The following ANGPTL2 variants were observed in gnomAD, a reference collection of about 807,000 sequenced individuals.
The protein encoded by ANGPTL2 is angiopoietin-related protein 2.
ANGPTL2 carries 25 observed loss-of-function variants against 52.8 expected under a neutral mutation model. The ratio of observed to expected loss-of-function variants is 0.47; its 90% CI spans 0.35 to 0.66. The LOEUF is 0.66. Among genes scored for constraint, ANGPTL2 ranks in the 30% least tolerant of loss-of-function variants. The pLI is 0.01. For missense variants in ANGPTL2, 546 were observed against 656.9 expected (o/e 0.83, Z 1.84); for synonymous variants, 276 against 277.4 (o/e 1.00, Z 0.05).
At chr9:127,109,386 G>A (rs1008001803) in intron 1 of ANGPTL2, among the ~76,000 whole-genome samples, 7 of 152,180 alleles carry the variant, frequency 4.6e-5, no homozygotes, top group East Asian at 1.9e-4. Flanking sequence ...CAAATGAATC[G>A]TTAGACATGT....
In ANGPTL2 at chr9:127,108,631, G is replaced by A. The variant is rs1286781768; in HGVS notation, c.101C>T (p.Ser34Leu). 9.9e-6 allele frequency: 16 copies of A among 1,613,488 alleles called. No homozygotes were observed. Among genetic ancestry groups the A allele is most frequent in the Middle Eastern group, 1.7e-4 (1 of 6,042 alleles). Residue 34 changes from serine (S) to leucine (L), a missense_variant, in exon 2 of 5, where the codon TCG (serine) becomes TTG (leucine). Coordinates refer to ENST00000373425, the MANE Select transcript of ANGPTL2 (RefSeq NM_012098.3). Reference protein sequence around the residue: ...EDGFEGTEEGSPREFIYLNRY... With the variant: ...EDGFEGTEEGLPREFIYLNRY... ...GTTTAGGTAAATGAACTCTCTTGGC[G>A]AGCCCTCCTCAGTGCCCTCAAAACC...
Position 127,110,027 on chromosome 9 carries a change from T to A in ANGPTL2, c.-49-1247A>T, listed in dbSNP as rs562241895. On this transcript the variant is annotated intron_variant, in intron 1 of 4. Transcript: ENST00000373425. ...GGTTTTCCTATAATCATACGGTTTT[T>A]TCTCTCAACTTAAAACCCTCTCTTG... 2.0e-5 allele frequency among the ~76,000 whole-genome samples: 3 copies of A among 152,328 alleles called. No individual in the cohort carries two copies. The South Asian group carries it at 6.2e-4, about 32-fold the overall frequency.
chr9:127,104,318 T>C (rs1785743797), intron 2 of ANGPTL2, among the ~76,000 whole-genome samples: 1 of 152,220 alleles, frequency 6.6e-6, no homozygotes, highest in African/African-American at 2.4e-5. Context: ...GCAGGAGGGC[T>C]GGCAAATGTG....
intron 1 of ANGPTL2, among the ~76,000 whole-genome samples, chr9:127,120,517 G>T (rs192175066): frequency 6.6e-6 from 1 of 152,226 alleles, no homozygotes; most frequent in Admixed American, 6.5e-5. Flanking sequence ...GATATGTCCA[G>T]AACAGGGAAA....
Position 127,091,627 on chromosome 9 carries a change from CTT to C in ANGPTL2, c.1282+41_1282+42del. 6.3e-7 allele frequency: 1 copy of C among 1,592,370 alleles called. No homozygotes were observed. Among genetic ancestry groups the C allele is most frequent in the Non-Finnish European group, 8.6e-7 (1 of 1,167,796 alleles). ...CAGGGGCTCTGGCTCTGGTTGACCT[CTT>C]TTCCCTACCCTGCACCTGGGTTTGA... On this transcript the variant is annotated intron_variant, in intron 4 of 4. Transcript: ENST00000373425. The surrounding 1 kb of genome is among the most constrained non-coding windows in gnomAD (Gnocchi z 4.3).
intron 1 of ANGPTL2, among the ~76,000 whole-genome samples, chr9:127,110,591 T>A (rs2054702706): frequency 6.6e-6 from 1 of 152,204 alleles, no homozygotes; most frequent in Non-Finnish European, 1.5e-5. Flanking sequence ...ACATTTCCAC[T>A]TGACTATCTG....
Position 127,087,861 on chromosome 9 carries a change from A to T in ANGPTL2, c.*1078T>A, listed in dbSNP as rs749130592. The T allele has an allele frequency of 6.6e-6, 1 of 152,510 alleles. No homozygotes were observed. The highest frequency in any genetic ancestry group is 1.5e-5 in the Non-Finnish European group (1 of 68,048). 9.4% of individuals were successfully genotyped at this position (152,510 alleles called of 1,614,324 possible). A position where few individuals can be genotyped will look rare whatever the true frequency, so the allele number is the denominator to read the frequency against. On this transcript the variant is annotated 3_prime_UTR_variant, in exon 5 of 5. Coordinates refer to ENST00000373425, the MANE Select transcript of ANGPTL2 (RefSeq NM_012098.3). ...ATCTGATGACTTCTGTTCTGAGATA[A>T]TTCTCCTGGCCAGATAGGTTATTAT... is the stretch of plus-strand genomic sequence containing the variant.
intron 1 of ANGPTL2, among the ~76,000 whole-genome samples, chr9:127,120,961 T>C (rs745875231): frequency 7.2e-5 from 11 of 152,190 alleles, no homozygotes; most frequent in Non-Finnish European, 1.3e-4. Flanking sequence ...AGCCAAGGCC[T>C]TCCTAGGCAT....
Position 127,107,922 on chromosome 9 carries a change from C to T in ANGPTL2, c.810G>A (p.Lys270=), listed in dbSNP as rs2137078917. 6.5e-7 allele frequency: 1 copy of T among 1,530,620 alleles called. No homozygotes were observed. The allele number at this position is 1,530,620 out of a possible 1,614,324, so 94.8% of individuals were successfully genotyped here. Residue 270 remains lysine, a synonymous_variant, in exon 2 of 5, where the codon AAG becomes AAA. Coordinates refer to ENST00000373425, the MANE Select transcript of ANGPTL2 (RefSeq NM_012098.3). ...GATCCCAGAAGCACTTACCCGACGG[C>T]TTGTCGGTGGAAGATGGGAGGCTGG... ...TLTSLPSSTD[K]PSGPWRDCLQ...
rs1589520807 is a variant in ANGPTL2, at chr9:127,108,321, G to A, written c.411C>T (p.Leu137=). 1 of 1,613,698 alleles carries A rather than the reference G, an allele frequency of 6.2e-7. No homozygotes were observed. The highest frequency in any genetic ancestry group is 2.2e-5 in the East Asian group (1 of 44,824). Residue 137 remains leucine, a synonymous_variant, in exon 2 of 5, where the codon CTC becomes CTT. Coordinates refer to ENST00000373425, the MANE Select transcript of ANGPTL2 (RefSeq NM_012098.3). The part of the protein sequence containing the change: ...SRNMNSRVTQ[L]YMQLLHEIIR... ...TGATCTCGTGCAGGAGCTGCATGTAGAGCTGCGTGACCCGCGAGTTCATGT... is the reference window on the plus strand; with the variant it reads ...TGATCTCGTGCAGGAGCTGCATGTAAAGCTGCGTGACCCGCGAGTTCATGT...
In ANGPTL2 at chr9:127,108,642, A is replaced by G. The variant is rs2054499470; in HGVS notation, c.90T>C (p.Thr30=). ...VAGQEDGFEG[T]EEGSPREFIY... ...TGAACTCTCTTGGCGAGCCCTCCTC[A>G]GTGCCCTCAAAACCGTCCTCCTGGC... Residue 30 remains threonine, a synonymous_variant, in exon 2 of 5, where the codon ACT becomes ACC. Coordinates refer to ENST00000373425, the MANE Select transcript of ANGPTL2 (RefSeq NM_012098.3). 7.4e-6 allele frequency: 12 copies of G among 1,613,386 alleles called. No homozygotes were observed. Among genetic ancestry groups the G allele is most frequent in the African/African-American group, 1.3e-5 (1 of 74,750 alleles).
At chr9:127,119,177 G>C (rs2055780127) in intron 1 of ANGPTL2, among the ~76,000 whole-genome samples, 1 of 152,166 alleles carries the variant, frequency 6.6e-6, no homozygotes, top group South Asian at 2.1e-4. Flanking sequence ...TCTTGTCACT[G>C]ACCATATTAC....
At chr9:127,092,762 G>A (rs2052633567) in intron 3 of ANGPTL2, among the ~76,000 whole-genome samples, 1 of 152,104 alleles carries the variant, frequency 6.6e-6, no homozygotes, top group Admixed American at 6.5e-5. Flanking sequence ...TTGCCTCTAA[G>A]AAAGGAGGAG....
chr9:127,117,044 A>C (rs2055506591), intron 1 of ANGPTL2, among the ~76,000 whole-genome samples: 1 of 152,132 alleles, frequency 6.6e-6, no homozygotes, highest in African/African-American at 2.4e-5. Context: ...ACATCTGATC[A>C]TGTCAGCGTC....
intron 4 of ANGPTL2, among the ~76,000 whole-genome samples, chr9:127,089,944 C>T (rs1280115419): frequency 6.6e-6 from 1 of 152,192 alleles, no homozygotes; most frequent in Non-Finnish European, 1.5e-5. Context: ...AGGGGAGGGG[C>T]TGCTCCAGTC....
chr9:127,117,648 C>T lies in ANGPTL2; in HGVS notation c.-50+4667G>A, dbSNP rs146707372. On this transcript the variant is annotated intron_variant, in intron 1 of 4. Transcript: ENST00000373425. ...GACAACAGAGAGAGGAATGGTGTGGCACCCTGGGGTAGAGAAGCTTGTTTG... is the reference window on the plus strand; with the variant it reads ...GACAACAGAGAGAGGAATGGTGTGGTACCCTGGGGTAGAGAAGCTTGTTTG... Among the ~76,000 whole-genome samples, 7 of 152,366 alleles carry T rather than the reference C, an allele frequency of 4.6e-5. No individual in the cohort carries two copies. The East Asian group carries it at 1.3e-3, about 29-fold the overall frequency.
chr9:127,095,855 G>C (rs955502358), intron 2 of ANGPTL2, among the ~76,000 whole-genome samples: 1 of 152,324 alleles, frequency 6.6e-6, no homozygotes, highest in Middle Eastern at 3.4e-3. Flanking sequence ...AAGAAGCCTT[G>C]TGTTTGAGCA....
chr9:127,106,775 T>G (rs2054258287), intron 2 of ANGPTL2: 1 of 152,268 alleles, frequency 6.6e-6, no homozygotes, highest in South Asian at 2.1e-4. Context: ...CCTCCTGCAC[T>G]CAGGTTCAGC....
At chr9:127,096,196 C>T (rs897390316) in intron 2 of ANGPTL2, among the ~76,000 whole-genome samples, 2 of 152,180 alleles carry the variant, frequency 1.3e-5, no homozygotes, top group Non-Finnish European at 2.9e-5. Flanking sequence ...GCTAGACCTC[C>T]AGAAAGAGCA....
Sources: gnomAD v4.1 joint callset for allele counts (sites outside exome capture counted in the v4.1 genomes callset) on GRCh38, gnomAD v4.1.1 for gene constraint, Gnocchi (gnomAD v3.1) non-coding constraint, MANE v1.5 for transcripts, NCBI Gene and HGNC (gene_info 2026-07-23, HGNC 2026-07-21) for gene names.